The following DOCK5 variants were observed in gnomAD, a reference collection of about 807,000 sequenced individuals.
DOCK5 encodes dedicator of cytokinesis 5, also known as dedicator of cytokinesis protein 5.
Under a neutral mutation model 251.8 loss-of-function variants are expected in DOCK5, and 142 were observed. The ratio of observed to expected loss-of-function variants is 0.56; its 90% CI spans 0.49 to 0.65. The LOEUF (loss-of-function observed/expected upper bound fraction) is 0.65. Ranked by LOEUF, DOCK5 falls within the 30% of genes least tolerant of loss-of-function variation. The pLI is 0.00. For synonymous variants in DOCK5, 842 were observed against 835.5 expected (o/e 1.01, Z -0.13); for missense variants, 2,111 against 2,312.3 (o/e 0.91, Z 1.79).
intron 14 of DOCK5, among the ~76,000 whole-genome samples, chr8:25,317,649 C>T (rs1467754292): frequency 3.3e-5 from 5 of 152,114 alleles, no homozygotes; most frequent in Admixed American, 1.3e-4. Flanking sequence ...CTTGCTCTGT[C>T]GCCCAGGCTG....
At chr8:25,305,508 T>A (rs1366775657) in intron 11 of DOCK5, among the ~76,000 whole-genome samples, 1 of 151,874 alleles carries the variant, frequency 6.6e-6, no homozygotes, top group Non-Finnish European at 1.5e-5. Context: ...AAAAGAAAAA[T>A]TGATAGGTTT....
At chr8:25,299,934 T>A (rs563995118) in intron 8 of DOCK5, among the ~76,000 whole-genome samples, 1 of 152,352 alleles carries the variant, frequency 6.6e-6, no homozygotes, top group Admixed American at 6.5e-5. Context: ...ATTCTTTTTT[T>A]ATCTTTTATT....
At chr8:25,271,041 G>T (rs886649755) in intron 3 of DOCK5, 4 of 430,936 alleles carry the variant, frequency 9.3e-6, no homozygotes, top group African/African-American at 8.0e-5. Context: ...TCATCAGTTG[G>T]TTGAACCCAT....
chr8:25,363,459 C>A (rs904680282), intron 29 of DOCK5, among the ~76,000 whole-genome samples: 1 of 152,210 alleles, frequency 6.6e-6, no homozygotes, highest in African/African-American at 2.4e-5. Flanking sequence ...ATTCAGGGCT[C>A]ACCAGTTAGT....
intron 13 of DOCK5, among the ~76,000 whole-genome samples, chr8:25,316,008 TACTTCACA>T (rs1805239806): frequency 6.6e-6 from 1 of 152,220 alleles, no homozygotes; most frequent in Non-Finnish European, 1.5e-5. Flanking sequence ...GAGTTTAATA[TACTTCACA>T]TTTATTCCAA....
chr8:25,243,575 C>T, intron 1 of DOCK5, 99 bp from the exon 2 acceptor site: 2 of 1,095,780 alleles, frequency 1.8e-6, no homozygotes, highest in Non-Finnish European at 1.3e-6. Flanking sequence ...ATGATCCACC[C>T]ACCTCACCCT....
intron 1 of DOCK5, among the ~76,000 whole-genome samples, chr8:25,195,748 C>T (rs981817781): frequency 5.3e-5 from 8 of 152,180 alleles, no homozygotes; most frequent in African/African-American, 1.9e-4. Flanking sequence ...CTTGCTGACA[C>T]CTCACAATGT....
intron 47 of DOCK5, among the ~76,000 whole-genome samples, 152 bp downstream of exon 47, chr8:25,401,218 G>C (rs1259364123): frequency 6.6e-6 from 1 of 152,056 alleles, no homozygotes; most frequent in African/African-American, 2.4e-5. Context: ...TTCCCCTCTT[G>C]GTGACCTTGA....
intron 1 of DOCK5, among the ~76,000 whole-genome samples, chr8:25,202,107 C>T (rs373352333): frequency 2.6e-5 from 4 of 152,134 alleles, no homozygotes; most frequent in Admixed American, 1.3e-4. Flanking sequence ...ATCTCTGCCT[C>T]CCGGGTTCAC....
At chr8:25,265,278 G>A (rs529670076) in intron 2 of DOCK5, among the ~76,000 whole-genome samples, 9 of 152,062 alleles carry the variant, frequency 5.9e-5, no homozygotes, top group Admixed American at 3.3e-4. Flanking sequence ...TGGGTCTCAC[G>A]GGTGCCCAGG....
chr8:25,306,067 C>T (rs1563195757), intron 11 of DOCK5, among the ~76,000 whole-genome samples: 1 of 152,140 alleles, frequency 6.6e-6, no homozygotes, highest in Non-Finnish European at 1.5e-5. Flanking sequence ...TCTCTTTTAT[C>T]CAGAGGCTGC....
In DOCK5 at chr8:25,415,490, A is replaced by G. The variant is rs981457180; in HGVS notation, c.*4192A>G. On this transcript the variant is annotated 3_prime_UTR_variant, in exon 52 of 52. Coordinates refer to ENST00000276440, the MANE Select transcript of DOCK5 (RefSeq NM_024940.8). ...GATTTCACTCTGACGCCTAGGATCT[A>G]GCCAAGGCTGGTCTGCAGTATCAGA... 6 of 152,208 alleles carry G rather than the reference A, an allele frequency of 3.9e-5. No individual in the cohort carries two copies. The highest frequency in any genetic ancestry group is 1.4e-4 in the African/African-American group (6 of 41,456). The allele number at this position is 152,208 out of a possible 1,614,324, so 9.4% of individuals were successfully genotyped here.
At chr8:25,332,517 T>C in intron 19 of DOCK5, 86 bp from the exon 20 acceptor site, 1 of 1,267,628 alleles carries the variant, frequency 7.9e-7, no homozygotes, top group Non-Finnish European at 1.1e-6. Context: ...TAAACCTCTT[T>C]GATTTAAACT....
rs374577642 is a variant in DOCK5, at chr8:25,387,352, T to C, written c.4132-1739T>C. On this transcript the variant is annotated intron_variant, in intron 40 of 51. Transcript: ENST00000276440. ...CACCATCACGCCCAGTTAATGTTTTTATTTTTTCTTAGATATGGGGTCTCA... is the reference window on the plus strand; with the variant it reads ...CACCATCACGCCCAGTTAATGTTTTCATTTTTTCTTAGATATGGGGTCTCA... 2.2e-3 allele frequency among the ~76,000 whole-genome samples: 334 copies of C among 152,270 alleles called. 2 individuals carry two copies. The highest frequency in any genetic ancestry group is 7.7e-3 in the African/African-American group (321 of 41,544).
In DOCK5 at chr8:25,395,732, C is replaced by T. The variant is rs773477469; in HGVS notation, c.4704+13C>T. The T allele has an allele frequency of 4.4e-5, 70 of 1,608,904 alleles. No homozygotes were observed. Among genetic ancestry groups the T allele is most frequent in the Middle Eastern group, 3.3e-4 (2 of 6,056 alleles). On this transcript the variant is annotated intron_variant, in intron 45 of 51. Coordinates refer to ENST00000276440, the MANE Select transcript of DOCK5 (RefSeq NM_024940.8). ...CAACTATGAAAAGGTTCGCTTGGTC[C>T]CAGAATCCCCTAGGGATTCACAGAC...
rs144105032 is a variant in DOCK5 at position 25,356,493 on chromosome 8, C to G, written c.2851-2470C>G. 7.1e-3 allele frequency among the ~76,000 whole-genome samples: 1,084 copies of G among 151,976 alleles called. 10 individuals are homozygous for G. Among genetic ancestry groups the G allele is most frequent in the African/African-American group, 0.025 (1,038 of 41,434 alleles). ...CCAGCCTGAGAAACATGGCAAGACC[C>G]TGTCTTAAAAAAAATACACAAAAAT... On this transcript the variant is annotated intron_variant, in intron 27 of 51. Transcript: ENST00000276440.
chr8:25,221,439 G>A (rs1802385256), intron 1 of DOCK5, among the ~76,000 whole-genome samples: 1 of 152,152 alleles, frequency 6.6e-6, no homozygotes, highest in Non-Finnish European at 1.5e-5. Flanking sequence ...CTCTTGAGTA[G>A]CCGGGATTAC....
rs1563218934 is a variant in DOCK5 at position 25,369,548 on chromosome 8, ACTTTCAGTTTG to A, written c.3439-7_3442del. ...CATTATCCTGTGAAATTCTGCCTCT[ACTTTCAGTTTG>A]AGAATGAGCTGATCACAAAGCTGGA... On this transcript the variant is annotated splice_acceptor_variant and splice_polypyrimidine_tract_variant and coding_sequence_variant and intron_variant, in exon 34 of 52. Coordinates refer to ENST00000276440, the MANE Select transcript of DOCK5 (RefSeq NM_024940.8). LOFTEE classifies it high-confidence loss of function. The A allele has an allele frequency of 1.2e-6, 2 of 1,604,746 alleles. No homozygotes were observed.
chr8:25,391,479 T>C (rs1165642240), intron 42 of DOCK5, among the ~76,000 whole-genome samples: 2 of 151,732 alleles, frequency 1.3e-5, no homozygotes, highest in Non-Finnish European at 2.9e-5. Context: ...GTACTAAAAA[T>C]ACAAAAAAAT....
Sources: gnomAD v4.1 joint callset for allele counts (sites outside exome capture counted in the v4.1 genomes callset) on GRCh38, gnomAD v4.1.1 for gene constraint, MANE v1.5 for transcripts, NCBI Gene and HGNC (gene_info 2026-07-23, HGNC 2026-07-21) for gene names.